The following ZNF280D variants were observed in gnomAD, a reference collection of about 807,000 sequenced individuals.
The protein encoded by ZNF280D is zinc finger protein 280D.
ZNF280D carries 39 observed loss-of-function variants against 94.7 expected under a neutral mutation model. The observed-to-expected ratio is 0.41, with a 90% confidence interval of 0.32 to 0.54. The LOEUF (loss-of-function observed/expected upper bound fraction) is 0.54. Ranked by LOEUF, ZNF280D falls within the 20% of genes least tolerant of loss-of-function variation. The probability of loss-of-function intolerance (pLI) is 0.22; values close to 1 mark genes in which losing one functional copy is unlikely to be tolerated. For synonymous variants in ZNF280D, 398 were observed against 377.6 expected (o/e 1.05, Z -0.63); for missense variants, 1,090 against 1,149.3 (o/e 0.95, Z 0.75).
intron 1 of ZNF280D, among the ~76,000 whole-genome samples, chr15:56,719,955 G>A (rs2058259752): frequency 6.6e-6 from 1 of 151,392 alleles, no homozygotes; most frequent in South Asian, 2.1e-4. Flanking sequence ...CTTTTTGCTG[G>A]AGGAAGGTCC....
At chr15:56,652,914 TAAAAC>T in intron 19 of ZNF280D, 4 of 974,284 alleles carry the variant, frequency 4.1e-6, no homozygotes, top group Non-Finnish European at 4.9e-6. Context: ...TTGGAGTTCT[TAAAAC>T]AAACACTAAA....
intron 16 of ZNF280D, among the ~76,000 whole-genome samples, chr15:56,659,079 C>G (rs1399223445): frequency 6.6e-6 from 1 of 150,540 alleles, no homozygotes; most frequent in Non-Finnish European, 1.5e-5. Flanking sequence ...GAATCAAACT[C>G]CTGGGCTCAA....
chr15:56,694,842 T>C (rs973796420), intron 6 of ZNF280D, among the ~76,000 whole-genome samples: 3 of 152,032 alleles, frequency 2.0e-5, no homozygotes, highest in Non-Finnish European at 4.4e-5. Flanking sequence ...TATAGTTGGG[T>C]TAATGTTAAT....
chr15:56,676,742 G>A lies in ZNF280D; in HGVS notation c.1338C>T (p.Asn446=), dbSNP rs758412211. The change falls in exon 13 of 22, where the codon AAC becomes AAT. Residue 446 remains asparagine, a synonymous_variant. Transcript: ENST00000267807. Reference sequence around the variant, plus strand: ...CTTTGAGGCAAAACGGGCATAGCAAGTTCTTAGTGTTTTCATGGGATGTTC... The same window carrying A: ...CTTTGAGGCAAAACGGGCATAGCAAATTCTTAGTGTTTTCATGGGATGTTC... The part of the protein sequence containing the change: ...HFRTSHENTK[N]LLCPFCLKVI... The A allele has an allele frequency of 2.5e-6, 4 of 1,611,964 alleles. No individual in the cohort carries two copies. In the South Asian group the frequency reaches 3.3e-5, roughly 13 times the overall value.
chr15:56,641,425 ATAT>A (rs2052621952), intron 20 of ZNF280D, among the ~76,000 whole-genome samples: 1 of 151,904 alleles, frequency 6.6e-6, no homozygotes, highest in Non-Finnish European at 1.5e-5. Context: ...TTGTCATTTG[ATAT>A]TATATCTTTT....
At chr15:56,715,291 T>C (rs1418780055) in intron 1 of ZNF280D, among the ~76,000 whole-genome samples, 1 of 152,086 alleles carries the variant, frequency 6.6e-6, no homozygotes, top group Non-Finnish European at 1.5e-5. Context: ...TTTTAAAAAA[T>C]AAAACATGTT....
intron 1 of ZNF280D, among the ~76,000 whole-genome samples, chr15:56,711,516 T>G (rs2057756422): frequency 6.6e-6 from 1 of 151,982 alleles, no homozygotes; most frequent in Non-Finnish European, 1.5e-5. Context: ...AATAAAAAAA[T>G]TAGCCGGGCA....
chr15:56,659,626 G>A (rs2053795483), intron 16 of ZNF280D, among the ~76,000 whole-genome samples: 1 of 151,792 alleles, frequency 6.6e-6, no homozygotes, highest in Non-Finnish European at 1.5e-5. Context: ...ACAGTTTCAG[G>A]CGTTCACTGG....
chr15:56,704,298 A>AT, intron 3 of ZNF280D, 31 bp from the exon 4 acceptor site: 14 of 1,566,790 alleles, frequency 8.9e-6, no homozygotes, highest in Non-Finnish European at 1.2e-5. Flanking sequence ...AGTAAACCTC[A>AT]TTTTTGAAAA....
At chr15:56,639,783 T>C (rs1037952113) in intron 20 of ZNF280D, among the ~76,000 whole-genome samples, 4 of 152,098 alleles carry the variant, frequency 2.6e-5, no homozygotes, top group Non-Finnish European at 5.9e-5. Flanking sequence ...TTCATCAAAA[T>C]GATGAGTAAG....
chr15:56,699,498 C>T (rs2141171007), intron 6 of ZNF280D: 1 of 880,114 alleles, frequency 1.1e-6, no homozygotes, highest in African/African-American at 1.8e-5. Flanking sequence ...ACTGAACTAA[C>T]ATGACTGAAA....
rs2054329007 is a variant in ZNF280D at position 56,666,909 on chromosome 15, G to C, written c.1623C>G (p.Thr541=). The C allele has an allele frequency of 1.2e-6, 2 of 1,613,510 alleles. No homozygotes were observed. Among genetic ancestry groups the C allele is most frequent in the African/African-American group, 2.7e-5 (2 of 74,870 alleles). Residue 541 remains threonine (T), a synonymous_variant, in exon 15 of 22, where the codon ACC becomes ACG. Coordinates refer to ENST00000267807, the MANE Select transcript of ZNF280D (RefSeq NM_017661.4). The part of the protein sequence containing the change: ...PTPSISASAS[T]LQLSPPRTKN... ...TAGTCCTTGGAGGTGAGAGCTGAAG[G>C]GTAGAAGCACTTGCACTAATGGAAG...
rs550212868 is a variant in ZNF280D at position 56,710,115 on chromosome 15, C to A, written c.-85-2809G>T. ...TCAGAGTTGGCTCTTTAAGACAGCC[C>A]GAAAAGGACGGGCGCGGCGGCTCAC... On this transcript the variant is annotated intron_variant, in intron 1 of 21. Coordinates refer to ENST00000267807, the MANE Select transcript of ZNF280D (RefSeq NM_017661.4). Among the ~76,000 whole-genome samples the A allele has an allele frequency of 2.0e-5, 3 of 152,264 alleles. 1 individual carries two copies. The East Asian group carries it at 5.8e-4, about 29-fold the overall frequency.
At chr15:56,730,959 G>C (rs1262127099) in intron 1 of ZNF280D, among the ~76,000 whole-genome samples, 1 of 152,102 alleles carries the variant, frequency 6.6e-6, no homozygotes, top group East Asian at 1.9e-4. Context: ...ATCAAATTTA[G>C]GATTATTAAT....
intron 19 of ZNF280D, among the ~76,000 whole-genome samples, chr15:56,651,032 TTTTA>T (rs2053174293): frequency 6.6e-6 from 1 of 152,218 alleles, no homozygotes; most frequent in Admixed American, 6.5e-5. Context: ...TTTTATTTAC[TTTTA>T]TTGTCTTTCA....
chr15:56,706,231 T>G, intron 3 of ZNF280D, among the ~76,000 whole-genome samples: 1 of 147,694 alleles, frequency 6.8e-6, no homozygotes, highest in Non-Finnish European at 1.5e-5. Flanking sequence ...TCACAACACT[T>G]TGGGAGGCTG....
At chr15:56,699,571 C>G in intron 6 of ZNF280D, 2 of 813,942 alleles carry the variant, frequency 2.5e-6, no homozygotes, top group Non-Finnish European at 3.0e-6. Context: ...TTGATATGTA[C>G]TTGGAGAGTT....
At chr15:56,697,432 G>A (rs754126546) in intron 6 of ZNF280D, among the ~76,000 whole-genome samples, 15 of 152,098 alleles carry the variant, frequency 9.9e-5, no homozygotes, top group African/African-American at 2.2e-4. Context: ...TGATCCACTC[G>A]CCTCGGCCTC....
Position 56,666,791 on chromosome 15 carries a change from T to C in ZNF280D, c.1741A>G (p.Asn581Asp), listed in dbSNP as rs1258718307. ...GGTTTGTATTTAGATTTACTTCCAT[T>C]AGGCTTACTTGTATTAGGTTTACTT... ...NASKPNTSKP[N>D]GSKSKYKPKI... The change falls in exon 15 of 22, where the codon AAT becomes GAT. Residue 581 changes from asparagine (N) to aspartate (D), a missense_variant. Coordinates refer to ENST00000267807, the MANE Select transcript of ZNF280D (RefSeq NM_017661.4). The C allele has an allele frequency of 6.2e-7, 1 of 1,613,802 alleles. No individual in the cohort carries two copies. The highest frequency in any genetic ancestry group is 8.5e-7 in the Non-Finnish European group (1 of 1,179,892).
Sources: gnomAD v4.1 joint callset for allele counts (sites outside exome capture counted in the v4.1 genomes callset) on GRCh38, gnomAD v4.1.1 for gene constraint, MANE v1.5 for transcripts, NCBI Gene and HGNC (gene_info 2026-07-23, HGNC 2026-07-21) for gene names.